PEX7: variants seen among roughly 807,000 people sequenced by gnomAD.
The protein encoded by PEX7 is peroxisomal biogenesis factor 7, also known as PTS2 receptor.
PEX7 carries 34 observed loss-of-function variants against 47.5 expected under a neutral mutation model. That is an observed-to-expected ratio of 0.72 (90% CI 0.54 to 0.95). PEX7 has a LOEUF of 0.95. Ranked by LOEUF, PEX7 falls within the 40% of genes least tolerant of loss-of-function variation. The pLI is 0.00. For missense variants in PEX7, 394 were observed against 400.3 expected (o/e 0.98, Z 0.13); for synonymous variants, 141 against 148.8 (o/e 0.95, Z 0.38).
intron 9 of PEX7, among the ~76,000 whole-genome samples, chr6:136,902,072 A>G (rs1026947280): frequency 6.6e-6 from 1 of 152,252 alleles, no homozygotes; most frequent in Non-Finnish European, 1.5e-5. Context: ...GGCGTGAGCC[A>G]CTGCGCCCAG....
chr6:136,902,597 A>G (rs1207779288), intron 9 of PEX7, among the ~76,000 whole-genome samples: 1 of 151,990 alleles, frequency 6.6e-6, no homozygotes. Flanking sequence ...TTTTCTGATC[A>G]TGATTTGTAC....
chr6:136,823,651 G>A (rs889526051), intron 1 of PEX7, among the ~76,000 whole-genome samples: 1 of 152,158 alleles, frequency 6.6e-6, no homozygotes, highest in South Asian at 2.1e-4. Flanking sequence ...AGCACTTTGG[G>A]AGGCCGAGGT....
intron 5 of PEX7, among the ~76,000 whole-genome samples, chr6:136,848,092 A>T (rs1774662433): frequency 6.6e-6 from 1 of 152,014 alleles, no homozygotes; most frequent in African/African-American, 2.4e-5. Flanking sequence ...TAGGTATTTT[A>T]TTCCCTTTGT....
intron 9 of PEX7, among the ~76,000 whole-genome samples, chr6:136,904,792 A>G (rs933750474): frequency 6.6e-6 from 1 of 152,168 alleles, no homozygotes; most frequent in Non-Finnish European, 1.5e-5. Flanking sequence ...CAGCAGCGTG[A>G]AAATGGACTA....
intron 2 of PEX7, among the ~76,000 whole-genome samples, chr6:136,825,984 A>G (rs186072755): frequency 1.3e-5 from 2 of 152,286 alleles, no homozygotes; most frequent in African/African-American, 4.8e-5. Flanking sequence ...TCTCTCAAAT[A>G]AAAAACAAAA....
At chr6:136,870,615 A>G (rs1189307081) in intron 7 of PEX7, 1 of 209,304 alleles carries the variant, frequency 4.8e-6, no homozygotes, top group African/African-American at 2.4e-5. Context: ...TCCCAATTTC[A>G]TCCTTTTGTT....
chr6:136,850,072 T>C (rs1008892380), intron 5 of PEX7, among the ~76,000 whole-genome samples: 3 of 152,138 alleles, frequency 2.0e-5, no homozygotes, highest in Non-Finnish European at 4.4e-5. Flanking sequence ...GATAGTTAGC[T>C]CTTCTTGTTG....
At position 136,846,696 on chromosome 6, in the gene PEX7, G is replaced by A. The variant is rs560024861; in HGVS notation, c.526+515G>A. On this transcript the variant is annotated intron_variant, in intron 5 of 9. Transcript: ENST00000318471. ...ACTCATCCTTTTTTATGGCTGCATA[G>A]TATTCCATGGTGTATATGTGCCACA... Among the ~76,000 whole-genome samples, 15 of 152,234 alleles carry A rather than the reference G, an allele frequency of 9.9e-5. No homozygotes were observed. In the East Asian group the frequency reaches 2.1e-3, roughly 22 times the overall value.
chr6:136,863,632 A>G (rs1364800828), intron 5 of PEX7, among the ~76,000 whole-genome samples: 1 of 152,078 alleles, frequency 6.6e-6, no homozygotes, highest in African/African-American at 2.4e-5. Context: ...ACAGGGCTGG[A>G]TGCAGTGGCT....
At chr6:136,839,416 A>G (rs1455906196) in intron 3 of PEX7, among the ~76,000 whole-genome samples, 2 of 152,210 alleles carry the variant, frequency 1.3e-5, no homozygotes, top group Non-Finnish European at 2.9e-5. Flanking sequence ...TGGTTTCAGT[A>G]ATAAAATTTG....
intron 6 of PEX7, 39 bp downstream of exon 6, chr6:136,866,772 T>C: frequency 6.6e-7 from 1 of 1,520,844 alleles, no homozygotes; most frequent in East Asian, 2.3e-5. Flanking sequence ...CTGTCCTTCC[T>C]AATGTTAAAA....
chr6:136,882,397 C>T (rs1231864969), intron 8 of PEX7, among the ~76,000 whole-genome samples: 13 of 151,834 alleles, frequency 8.6e-5, no homozygotes, highest in Admixed American at 7.2e-4. Flanking sequence ...AGGCTGGTCT[C>T]GAACTCCTGA....
intron 3 of PEX7, among the ~76,000 whole-genome samples, chr6:136,842,002 C>CTT (rs1201074060): frequency 1.4e-5 from 2 of 139,812 alleles, no homozygotes; most frequent in African/African-American, 2.6e-5. Flanking sequence ...TTTTCTTTTT[C>CTT]TTTTTTTTTT....
intron 5 of PEX7, among the ~76,000 whole-genome samples, chr6:136,859,904 A>G (rs1011479890): frequency 2.6e-5 from 4 of 152,088 alleles, no homozygotes; most frequent in African/African-American, 9.7e-5. Flanking sequence ...GGGTGCCTGT[A>G]ATCCCAGCTA....
chr6:136,825,066 C>T, intron 1 of PEX7, 148 bp from the exon 2 acceptor site: 2 of 696,514 alleles, frequency 2.9e-6, no homozygotes. Flanking sequence ...AGAAATTGAT[C>T]ACCTGACCAT....
chr6:136,913,679 T>C lies in PEX7; in HGVS notation c.*153T>C. ...ACCCTGGAATCAGTTTTGAGGGAGCTGATAAAGACTTTAGCTGACTCGTTA... is the reference window on the plus strand; with the variant it reads ...ACCCTGGAATCAGTTTTGAGGGAGCCGATAAAGACTTTAGCTGACTCGTTA... On this transcript the variant is annotated 3_prime_UTR_variant, in exon 10 of 10. Coordinates refer to ENST00000318471, the MANE Select transcript of PEX7 (RefSeq NM_000288.4). 1.5e-6 allele frequency: 1 copy of C among 683,908 alleles called. No individual in the cohort carries two copies. The highest frequency in any genetic ancestry group is 2.6e-6 in the Non-Finnish European group (1 of 380,398). The allele number at this position is 683,908 out of a possible 1,614,324, so 42.4% of individuals were successfully genotyped here. A position where few individuals can be genotyped will look rare whatever the true frequency, so the allele number is the denominator to read the frequency against.
At chr6:136,826,250 A>AT (rs1039372399) in intron 2 of PEX7, 69 bp from the exon 3 acceptor site, 52 of 1,513,444 alleles carry the variant, frequency 3.4e-5, no homozygotes, top group Middle Eastern at 1.7e-4. Flanking sequence ...CATAATTGTT[A>AT]TTTTTTTTGT....
At chr6:136,874,059 T>C (rs545472702) in intron 8 of PEX7, among the ~76,000 whole-genome samples, 2 of 152,222 alleles carry the variant, frequency 1.3e-5, no homozygotes, top group Non-Finnish European at 2.9e-5. Flanking sequence ...TATTCAAAGG[T>C]GATATTAGTT....
intron 8 of PEX7, among the ~76,000 whole-genome samples, chr6:136,890,565 C>T (rs1452203249): frequency 2.0e-5 from 3 of 152,052 alleles, no homozygotes; most frequent in Admixed American, 2.0e-4. Flanking sequence ...TGTCTTCTCC[C>T]CCTCCTCACC....
Sources: gnomAD v4.1 joint callset for allele counts (sites outside exome capture counted in the v4.1 genomes callset) on GRCh38, gnomAD v4.1.1 for gene constraint, MANE v1.5 for transcripts, NCBI Gene and HGNC (gene_info 2026-07-23, HGNC 2026-07-21) for gene names.